Variants in NTM observed in about 807,000 individuals in gnomAD.
NTM encodes the protein IgLON family member 2.
NTM carries 13 observed loss-of-function variants against 42.1 expected under a neutral mutation model. The ratio of observed to expected loss-of-function variants is 0.31; its 90% CI spans 0.20 to 0.49. NTM has a LOEUF of 0.49. Ranked by LOEUF, NTM falls within the 20% of genes least tolerant of loss-of-function variation. NTM has a pLI of 0.99. For missense variants in NTM, 373 were observed against 452.8 expected (o/e 0.82, Z 1.60); for synonymous variants, 187 against 179.2 (o/e 1.04, Z -0.35).
intron 1 of NTM, among the ~76,000 whole-genome samples, chr11:131,729,431 T>C (rs932392106): frequency 6.6e-5 from 10 of 152,242 alleles, no homozygotes; most frequent in Non-Finnish European, 1.3e-4. Context: ...TTGTTTGTAA[T>C]TGAGATATAA....
At chr11:132,198,983 C>A (rs1438772800) in intron 3 of NTM, among the ~76,000 whole-genome samples, 2 of 152,112 alleles carry the variant, frequency 1.3e-5, no homozygotes, top group African/African-American at 4.8e-5. Flanking sequence ...GACATGTAGA[C>A]CTGAAAAGCA....
intron 1 of NTM, among the ~76,000 whole-genome samples, chr11:131,607,922 A>G (rs932776948): frequency 1.3e-5 from 2 of 151,620 alleles, no homozygotes; most frequent in Non-Finnish European, 2.9e-5. Context: ...TTATTATTAT[A>G]CTTTAAGTTC....
intron 2 of NTM, among the ~76,000 whole-genome samples, chr11:132,006,400 A>G (rs916645832): frequency 1.3e-5 from 2 of 152,232 alleles, no homozygotes; most frequent in African/African-American, 2.4e-5. Flanking sequence ...TTCAATCTAC[A>G]TAAAAAAGAG....
At position 131,815,659 on chromosome 11, in the gene NTM, A is replaced by G. The variant is rs1166088032; in HGVS notation, c.83-95905A>G. 2.0e-5 allele frequency among the ~76,000 whole-genome samples: 3 copies of G among 151,242 alleles called. No individual in the cohort carries two copies. The East Asian group carries it at 5.8e-4, about 29-fold the overall frequency. ...CTCCTGCTGCCCGCGCCTCTCCCCC[A>G]GCCCCTCGGATCAGGATCCAGCCTC... On this transcript the variant is annotated intron_variant, in intron 1 of 8. Transcript: ENST00000683400.
intron 1 of NTM, among the ~76,000 whole-genome samples, chr11:131,381,190 G>T (rs1335073567): frequency 3.3e-5 from 5 of 152,184 alleles, no homozygotes; most frequent in Non-Finnish European, 7.3e-5. Context: ...GGACAGGGAA[G>T]GTTGAACCTA....
intron 6 of NTM, among the ~76,000 whole-genome samples, chr11:132,310,442 C>T (rs904584943): frequency 6.6e-6 from 1 of 152,136 alleles, no homozygotes; most frequent in Non-Finnish European, 1.5e-5. Flanking sequence ...TATCACTGGC[C>T]AACCAACAGA....
chr11:131,810,503 C>A (rs765391402), intron 1 of NTM, among the ~76,000 whole-genome samples: 2 of 152,166 alleles, frequency 1.3e-5, no homozygotes, highest in Admixed American at 1.3e-4. Context: ...AAGGGAGACT[C>A]GAGCAGCCAG....
intron 5 of NTM, among the ~76,000 whole-genome samples, chr11:132,308,071 C>A (rs1451026965): frequency 1.3e-5 from 2 of 152,202 alleles, no homozygotes; most frequent in Admixed American, 1.3e-4. Flanking sequence ...ACTTGACTTG[C>A]ATGGCTGGCA....
intron 1 of NTM, among the ~76,000 whole-genome samples, chr11:131,629,303 T>C (rs981427830): frequency 2.0e-5 from 3 of 152,192 alleles, no homozygotes; most frequent in Admixed American, 1.3e-4. Context: ...CCAGGCTCTC[T>C]TAATCTGATT....
At chr11:131,840,608 G>T (rs1247367458) in intron 1 of NTM, among the ~76,000 whole-genome samples, 1 of 152,136 alleles carries the variant, frequency 6.6e-6, no homozygotes, top group Non-Finnish European at 1.5e-5. Context: ...TTTCTACAGA[G>T]GGGAGCAAAA....
chr11:132,104,692 A>G lies in NTM; in HGVS notation c.168-41590A>G, dbSNP rs1040102717. 7.2e-4 allele frequency among the ~76,000 whole-genome samples: 108 copies of G among 150,536 alleles called. 2 individuals are homozygous for G. The highest frequency in any genetic ancestry group is 3.9e-4 in the East Asian group (2 of 5,100). ...CAGGAGGACAAAGAGGGAGGATTGT[A>G]TGAGACCGGCCTGGGCAACATAGTG... On this transcript the variant is annotated intron_variant, in intron 2 of 8. Coordinates refer to ENST00000683400, the MANE Select transcript of NTM (RefSeq NM_001352005.2).
At chr11:131,610,517 G>C (rs531301846) in intron 1 of NTM, among the ~76,000 whole-genome samples, 1 of 152,316 alleles carries the variant, frequency 6.6e-6, no homozygotes, top group African/African-American at 2.4e-5. Flanking sequence ...GAAGACTGTT[G>C]TTCAGAAAGC....
At position 131,809,242 on chromosome 11, in the gene NTM, A is replaced by C. The variant is rs536226473; in HGVS notation, c.83-102322A>C. ...GAAAGAATAGTAAAATTATATGTATACCATGCAATAACAGTGCTGATGGGT... is the reference window on the plus strand; with the variant it reads ...GAAAGAATAGTAAAATTATATGTATCCCATGCAATAACAGTGCTGATGGGT... On this transcript the variant is annotated intron_variant, in intron 1 of 8. Transcript: ENST00000683400. 6.6e-5 allele frequency among the ~76,000 whole-genome samples: 10 copies of C among 152,324 alleles called. No homozygotes were observed. In the East Asian group the frequency reaches 1.2e-3, roughly 18 times the overall value.
At chr11:131,991,666 C>T (rs1334206809) in intron 2 of NTM, among the ~76,000 whole-genome samples, 1 of 151,210 alleles carries the variant, frequency 6.6e-6, no homozygotes, top group East Asian at 2.0e-4. Flanking sequence ...GACTTTTCCG[C>T]ACTTAAAGGG....
chr11:131,416,265 C>A (rs1946936749), intron 1 of NTM, among the ~76,000 whole-genome samples: 1 of 151,964 alleles, frequency 6.6e-6, no homozygotes, highest in South Asian at 2.1e-4. Context: ...TATTTCCAAA[C>A]CCCTTTCTAT....
Position 132,275,752 on chromosome 11 carries a change from A to G in NTM, c.527-31937A>G, listed in dbSNP as rs202043837. On this transcript the variant is annotated intron_variant, in intron 4 of 8. Transcript: ENST00000683400. ...TATATATACGTATATATATATGTGT[A>G]TATATATATATATGTTATATAATGA... Among the ~76,000 whole-genome samples the G allele has an allele frequency of 1.9e-3, 51 of 26,820 alleles. No homozygotes were observed. In the East Asian group the frequency reaches 0.054, roughly 28 times the overall value. 17.6% of individuals were successfully genotyped at this position (26,820 alleles called of 152,430 possible).
intron 1 of NTM, among the ~76,000 whole-genome samples, chr11:131,890,826 C>T (rs901272160): frequency 9.9e-5 from 15 of 152,164 alleles, no homozygotes; most frequent in Admixed American, 8.5e-4. Flanking sequence ...GGATCCCCTA[C>T]TCATTGTCTG....
intron 2 of NTM, among the ~76,000 whole-genome samples, chr11:131,953,708 T>C (rs1011600561): frequency 1.3e-5 from 2 of 152,150 alleles, no homozygotes; most frequent in Non-Finnish European, 2.9e-5. Context: ...CTCAGGCTTC[T>C]GTAGAGCATC....
At chr11:131,611,732 G>C (rs1055095309) in intron 1 of NTM, among the ~76,000 whole-genome samples, 3 of 152,170 alleles carry the variant, frequency 2.0e-5, no homozygotes, top group African/African-American at 7.2e-5. Context: ...GCTGCAATTC[G>C]GTGGTGGAAC....
Sources: allele counts gnomAD v4.1 joint callset (sites outside exome capture counted in the v4.1 genomes callset), GRCh38; gene constraint gnomAD v4.1.1; transcripts MANE v1.5; gene names NCBI Gene and HGNC (gene_info 2026-07-23, HGNC 2026-07-21).